FAM124A: variants seen among roughly 807,000 people sequenced by gnomAD.
The protein encoded by FAM124A is family with sequence similarity 124 member A.
A neutral mutation model predicts 24.5 loss-of-function variants in FAM124A; 23 were observed. The observed-to-expected ratio is 0.94, with a 90% CI of 0.68 to 1.33. The LOEUF is 1.33. FAM124A is among the 40% of genes most tolerant of loss of function. The probability of loss-of-function intolerance (pLI) is 0.00; values close to 1 mark genes in which losing one functional copy is unlikely to be tolerated. For missense variants in FAM124A, 623 were observed against 722.8 expected (o/e 0.86, Z 1.58); for synonymous variants, 287 against 314.7 (o/e 0.91, Z 0.93).
chr13:51,266,776 C>T (rs1348849927), intron 3 of FAM124A, among the ~76,000 whole-genome samples: 2 of 152,208 alleles, frequency 1.3e-5, no homozygotes, highest in Non-Finnish European at 2.9e-5. Context: ...AAGAAAAGTC[C>T]TGCCACAGCA....
chr13:51,255,897 C>G (rs747040692), intron 3 of FAM124A, among the ~76,000 whole-genome samples: 6 of 152,224 alleles, frequency 3.9e-5, no homozygotes, highest in Non-Finnish European at 7.3e-5. Flanking sequence ...CTCAGCCAGG[C>G]TTTCAGTAGC....
chr13:51,260,400 T>C (rs1383369605), intron 3 of FAM124A, among the ~76,000 whole-genome samples: 1 of 152,228 alleles, frequency 6.6e-6, no homozygotes, highest in Non-Finnish European at 1.5e-5. Context: ...CTCTGCTTCT[T>C]GCTGCCAGAA....
chr13:51,245,307 T>A, intron 2 of FAM124A: 1 of 667,762 alleles, frequency 1.5e-6, no homozygotes, highest in South Asian at 1.7e-5. Flanking sequence ...TCTTTTATTA[T>A]GCAGATGGAT....
intron 3 of FAM124A, among the ~76,000 whole-genome samples, chr13:51,265,353 G>C (rs1954775319): frequency 6.6e-6 from 1 of 152,148 alleles, no homozygotes; most frequent in Non-Finnish European, 1.5e-5. Context: ...CCTGCCCAGG[G>C]CCAGGTGAAG....
rs762933048 is a variant in FAM124A, at chr13:51,252,092, G to A, written c.725G>A (p.Arg242Gln). 1.4e-5 allele frequency: 23 copies of A among 1,613,966 alleles called. No individual in the cohort carries two copies. The highest frequency in any genetic ancestry group is 4.0e-5 in the African/African-American group (3 of 74,924). Residue 242 changes from arginine (R) to glutamine (Q), a missense_variant, in exon 3 of 4, where the codon CGA (arginine) becomes CAA (glutamine). Transcript: ENST00000322475. ...ACCGACTCCTCCGTGCTGGAGTTCC[G>A]AGTGAGGGACATAGGCGAGCTCGTG... is the stretch of plus-strand genomic sequence containing the variant. ...VPTDSSVLEF[R>Q]VRDIGELVPL... is the part of the protein sequence containing the mutation.
chr13:51,256,935 T>C (rs1954681181), intron 3 of FAM124A, among the ~76,000 whole-genome samples: 2 of 152,236 alleles, frequency 1.3e-5, no homozygotes, highest in African/African-American at 4.8e-5. Context: ...TGGGATCATA[T>C]AGTATTTGTC....
intron 2 of FAM124A, among the ~76,000 whole-genome samples, chr13:51,243,349 C>A (rs1376440565): frequency 1.3e-5 from 2 of 152,152 alleles, no homozygotes; most frequent in Non-Finnish European, 2.9e-5. Context: ...GCAGGTTATT[C>A]ATTACATTCC....
intron 3 of FAM124A, among the ~76,000 whole-genome samples, chr13:51,264,058 T>C (rs1238163284): frequency 6.6e-6 from 1 of 152,178 alleles, no homozygotes; most frequent in East Asian, 1.9e-4. Flanking sequence ...GCATAAATGT[T>C]TTTCATGTGG....
chr13:51,278,178 G>GCAGC (rs1954902045), intron 3 of FAM124A, among the ~76,000 whole-genome samples: 1 of 152,208 alleles, frequency 6.6e-6, no homozygotes, highest in Non-Finnish European at 1.5e-5. Context: ...GCTCAGGAGG[G>GCAGC]CAGCCTCCAA....
chr13:51,248,668 G>A (rs147484910), intron 2 of FAM124A, among the ~76,000 whole-genome samples: 2 of 152,296 alleles, frequency 1.3e-5, no homozygotes, highest in African/African-American at 4.8e-5. Context: ...TTATGGAAAT[G>A]TTGGGAGCAC....
chr13:51,253,065 G>C (rs1954641473), intron 3 of FAM124A: 1 of 152,182 alleles, frequency 6.6e-6, no homozygotes. Flanking sequence ...GATTTTACAA[G>C]TAAATTAGTT....
chr13:51,283,767 C>CAAAAAAAAAAAAAAAAA lies in FAM124A; in HGVS notation c.*2523_*2539dup, dbSNP rs3045985. The CAAAAAAAAAAAAAAAAA allele has an allele frequency of 5.8e-5, 2 of 34,698 alleles. 1 individual carries two copies. Among genetic ancestry groups the CAAAAAAAAAAAAAAAAA allele is most frequent in the African/African-American group, 2.0e-4 (2 of 10,116 alleles). 2.1% of individuals were successfully genotyped at this position (34,698 alleles called of 1,614,324 possible). On this transcript the variant is annotated 3_prime_UTR_variant, in exon 4 of 4. Coordinates refer to ENST00000322475, the MANE Select transcript of FAM124A (RefSeq NM_001242312.2). Reference sequence around the variant, plus strand: ...TCATCAGTAACAAAAGTCAGTGAGGCAAAAAAAAAAAAAAAAAAAAAAAAA... The same window carrying CAAAAAAAAAAAAAAAAA: ...TCATCAGTAACAAAAGTCAGTGAGGCAAAAAAAAAAAAAAAAAAAAAAAAAAAAAAAAAAAAAAAAAA...
chr13:51,226,410 C>A (rs961722647), intron 1 of FAM124A, among the ~76,000 whole-genome samples: 3 of 152,006 alleles, frequency 2.0e-5, no homozygotes, highest in Non-Finnish European at 4.4e-5. Context: ...GAAGGGCAGG[C>A]AAGATGGGGT....
chr13:51,259,143 C>T (rs1477630360), intron 3 of FAM124A, among the ~76,000 whole-genome samples: 3 of 152,170 alleles, frequency 2.0e-5, no homozygotes, highest in Non-Finnish European at 4.4e-5. Context: ...ACTTGCTCTA[C>T]CTCAGGACGC....
intron 2 of FAM124A, among the ~76,000 whole-genome samples, chr13:51,232,400 G>A (rs1954387607): frequency 6.6e-6 from 1 of 152,200 alleles, no homozygotes; most frequent in Non-Finnish European, 1.5e-5. Context: ...TCACTAGCCT[G>A]TTAAACTCTG....
intron 3 of FAM124A, among the ~76,000 whole-genome samples, chr13:51,266,906 T>C (rs925531991): frequency 6.6e-6 from 1 of 152,236 alleles, no homozygotes; most frequent in Non-Finnish European, 1.5e-5. Context: ...AGCCAATTTA[T>C]AGAGTGCCTG....
At position 51,280,445 on chromosome 13, in the gene FAM124A, C is replaced by CA; in HGVS notation, c.835-4dup. 1.3e-6 allele frequency: 2 copies of CA among 1,582,204 alleles called. No individual in the cohort carries two copies. Among genetic ancestry groups the CA allele is most frequent in the Admixed American group, 3.5e-5 (2 of 56,406 alleles). ...CACTAATGTGATCTGCCTCTCCCCC[C>CA]ACAGGCACAAAGGGTGCATAAGAAG... is the stretch of plus-strand genomic sequence containing the variant. On this transcript the variant is annotated splice_region_variant and splice_polypyrimidine_tract_variant and intron_variant, in intron 3 of 3. Coordinates refer to ENST00000322475, the MANE Select transcript of FAM124A (RefSeq NM_001242312.2).
rs568594605 is a variant in FAM124A, at chr13:51,251,641, A to G, written c.274A>G (p.Lys92Glu). ...SERRASRRRR[K>E]PPKGAQPALA... Reference sequence around the variant, plus strand: ...GAGGCGGGCGTCCCGGCGGCGGCGGAAGCCCCCCAAGGGCGCTCAGCCAGC... The same window carrying G: ...GAGGCGGGCGTCCCGGCGGCGGCGGGAGCCCCCCAAGGGCGCTCAGCCAGC... Residue 92 changes from lysine to glutamate, a missense_variant, in exon 3 of 4, where the codon AAG becomes GAG. Coordinates refer to ENST00000322475, the MANE Select transcript of FAM124A (RefSeq NM_001242312.2). The surrounding 1 kb of genome is among the most constrained non-coding windows in gnomAD (Gnocchi z 5.3). The G allele has an allele frequency of 1.7e-5, 26 of 1,566,562 alleles. No individual in the cohort carries two copies. In the African/African-American group the frequency reaches 3.2e-4, roughly 20 times the overall value.
At chr13:51,262,847 T>G (rs1238257594) in intron 3 of FAM124A, among the ~76,000 whole-genome samples, 1 of 152,224 alleles carries the variant, frequency 6.6e-6, no homozygotes, top group Admixed American at 6.5e-5. Flanking sequence ...ATCCAGTTAC[T>G]ATTTACCCAG....
Sources: allele counts gnomAD v4.1 joint callset (sites outside exome capture counted in the v4.1 genomes callset), GRCh38; gene constraint gnomAD v4.1.1; non-coding constraint Gnocchi (gnomAD v3.1); transcripts MANE v1.5; gene names NCBI Gene and HGNC (gene_info 2026-07-23, HGNC 2026-07-21).